CADM1: variants seen among roughly 807,000 people sequenced by gnomAD.
The protein encoded by CADM1 is cell adhesion molecule 1.
Under a neutral mutation model 53.1 loss-of-function variants are expected in CADM1, and 15 were observed. That is an observed-to-expected ratio of 0.28 (90% CI 0.19 to 0.44). The LOEUF is 0.44. CADM1 is among the 20% of genes least tolerant of loss of function. The pLI, the probability that CADM1 is intolerant of heterozygous loss-of-function variation, is 1.00. For missense variants in CADM1, 434 were observed against 611.3 expected, an observed-to-expected ratio of 0.71 and a Z score of 3.06; for synonymous variants, 281 against 243.0, an observed-to-expected ratio of 1.16 and a Z score of -1.45.
chr11:115,272,761 A>C (rs1414914896), intron 1 of CADM1, among the ~76,000 whole-genome samples: 1 of 59,970 alleles, frequency 1.7e-5, no homozygotes, highest in African/African-American at 7.1e-5. Flanking sequence ...GGGTGGGGGG[A>C]GGGGGGAGGG....
intron 1 of CADM1, among the ~76,000 whole-genome samples, chr11:115,435,981 C>T (rs1330221819): frequency 1.3e-5 from 2 of 152,138 alleles, no homozygotes; most frequent in Non-Finnish European, 2.9e-5. Context: ...CCTACAAAAT[C>T]TCTGCAAAAC....
chr11:115,216,776 AAG>A (rs1473923991), intron 6 of CADM1, among the ~76,000 whole-genome samples: 3 of 152,168 alleles, frequency 2.0e-5, no homozygotes, highest in Non-Finnish European at 2.9e-5. Context: ...TTGAAATGAG[AAG>A]AGAGAACCAA....
chr11:115,420,966 T>A (rs1057161523), intron 1 of CADM1, among the ~76,000 whole-genome samples: 1 of 152,202 alleles, frequency 6.6e-6, no homozygotes, highest in African/African-American at 2.4e-5. Flanking sequence ...TACTCTATCA[T>A]CCAGTGGAGC....
At chr11:115,330,174 A>G (rs777905318) in intron 1 of CADM1, among the ~76,000 whole-genome samples, 2 of 151,912 alleles carry the variant, frequency 1.3e-5, no homozygotes, top group Admixed American at 1.3e-4. Context: ...CCTCCTGTCC[A>G]TATCAACTGG....
intron 1 of CADM1, among the ~76,000 whole-genome samples, chr11:115,307,475 A>G (rs1436299172): frequency 2.7e-5 from 4 of 146,814 alleles, no homozygotes; most frequent in African/African-American, 1.0e-4. Flanking sequence ...TCAGAAGAAC[A>G]TTTTTAAATG....
chr11:115,364,150 G>C (rs772652300), intron 1 of CADM1, among the ~76,000 whole-genome samples: 6 of 152,078 alleles, frequency 3.9e-5, no homozygotes, highest in Admixed American at 6.6e-5. Flanking sequence ...CTGTATATCT[G>C]TGATCTTTCT....
rs1366636775 is a variant in CADM1 at position 115,504,401 on chromosome 11, C to T, written c.-7G>A. On this transcript the variant is annotated 5_prime_UTR_variant, in exon 1 of 12. Transcript: ENST00000331581. Reference sequence around the variant, plus strand: ...GCAGCACTACACTCGCCATGTCGGGCACCTGCCTCAGACTGGCGGCGTTGG... The same window carrying T: ...GCAGCACTACACTCGCCATGTCGGGTACCTGCCTCAGACTGGCGGCGTTGG... The T allele has an allele frequency of 3.9e-6, 6 of 1,544,820 alleles. No individual in the cohort carries two copies. The highest frequency in any genetic ancestry group is 2.4e-5 in the East Asian group (1 of 40,818).
rs183230487 is a variant in CADM1 at position 115,315,931 on chromosome 11, G to C, written c.125-75511C>G. 2.6e-5 allele frequency among the ~76,000 whole-genome samples: 4 copies of C among 152,256 alleles called. No homozygotes were observed. The East Asian group carries it at 7.7e-4, about 29-fold the overall frequency. ...TACAGTGCAATTTTCATTCAACTGG[G>C]AGGGTGTTTTCTGCATGCTTCTCTC... On this transcript the variant is annotated intron_variant, in intron 1 of 11. Coordinates refer to ENST00000331581, the MANE Select transcript of CADM1 (RefSeq NM_001301043.2).
At chr11:115,312,341 G>A (rs910772395) in intron 1 of CADM1, among the ~76,000 whole-genome samples, 1 of 152,088 alleles carries the variant, frequency 6.6e-6, no homozygotes, top group Non-Finnish European at 1.5e-5. Flanking sequence ...CCACTAGAGA[G>A]GTGTGTTTTC....
At chr11:115,297,900 A>G (rs914199407) in intron 1 of CADM1, among the ~76,000 whole-genome samples, 1 of 152,234 alleles carries the variant, frequency 6.6e-6, no homozygotes, top group African/African-American at 2.4e-5. Context: ...GAACAGCCAA[A>G]ACGGCAGAGC....
At chr11:115,449,559 A>C (rs1410335324) in intron 1 of CADM1, among the ~76,000 whole-genome samples, 1 of 152,182 alleles carries the variant, frequency 6.6e-6, no homozygotes, top group Non-Finnish European at 1.5e-5. Context: ...GCCTAACACC[A>C]GCCTACTTAA....
chr11:115,409,621 C>T (rs1947407731), intron 1 of CADM1, among the ~76,000 whole-genome samples: 1 of 151,784 alleles, frequency 6.6e-6, no homozygotes, highest in African/African-American at 2.4e-5. Flanking sequence ...AGGAAAGGTG[C>T]TGAAATCTGA....
chr11:115,252,408 ATTTT>A, intron 1 of CADM1, among the ~76,000 whole-genome samples: 1 of 151,864 alleles, frequency 6.6e-6, no homozygotes, highest in Admixed American at 6.6e-5. Flanking sequence ...AATCTGCTGA[ATTTT>A]TTTTTATTTC....
At chr11:115,391,634 C>CCAAAA (rs1362834371) in intron 1 of CADM1, among the ~76,000 whole-genome samples, 1 of 152,170 alleles carries the variant, frequency 6.6e-6, no homozygotes, top group Admixed American at 6.5e-5. Context: ...TCCTTTTTCC[C>CCAAAA]CAAAACAAAA....
At chr11:115,290,042 T>C (rs1325938705) in intron 1 of CADM1, among the ~76,000 whole-genome samples, 1 of 152,208 alleles carries the variant, frequency 6.6e-6, no homozygotes, top group Non-Finnish European at 1.5e-5. Flanking sequence ...TGAATGTAGA[T>C]TCCACGAGCG....
chr11:115,415,493 G>A (rs1355104930), intron 1 of CADM1, among the ~76,000 whole-genome samples: 1 of 152,032 alleles, frequency 6.6e-6, no homozygotes, highest in Non-Finnish European at 1.5e-5. Flanking sequence ...AGGCAAATAA[G>A]GAATATGACA....
At chr11:115,340,903 C>A (rs910575435) in intron 1 of CADM1, among the ~76,000 whole-genome samples, 1 of 151,270 alleles carries the variant, frequency 6.6e-6, no homozygotes, top group African/African-American at 2.4e-5. Context: ...CTCAGGTGAT[C>A]CCAGCCTCCC....
intron 1 of CADM1, among the ~76,000 whole-genome samples, chr11:115,285,070 G>A (rs764033717): frequency 6.6e-6 from 1 of 152,132 alleles, no homozygotes; most frequent in Non-Finnish European, 1.5e-5. Flanking sequence ...GCTCTCACTG[G>A]TGGTTCTTAA....
At position 115,504,278 on chromosome 11, in the gene CADM1, G is replaced by C. The variant is rs751314966; in HGVS notation, c.117C>G (p.Ile39Met). The part of the protein sequence containing the change: ...LLLLFSAAAL[I>M]PTGDGQNLFT... ...GTCGGTGCCCACACCTACCTGTGGG[G>C]ATCAGTGCCGCGGCGGAGAAGAGCA... The change falls in exon 1 of 12, where the codon ATC becomes ATG. Residue 39 changes from isoleucine to methionine, a missense_variant. By Grantham distance (10) the Ile-to-Met change is conservative. Around this residue, in one of 4 missense-constraint regions of CADM1, gnomAD observed 76 missense variants for 59.8 expected, o/e 1.27. Coordinates refer to ENST00000331581, the MANE Select transcript of CADM1 (RefSeq NM_001301043.2). The C allele has an allele frequency of 8.3e-6, 13 of 1,571,882 alleles. No individual in the cohort carries two copies. The highest frequency in any genetic ancestry group is 2.7e-5 in the African/African-American group (2 of 73,884).
Sources: allele counts gnomAD v4.1 joint callset (sites outside exome capture counted in the v4.1 genomes callset), GRCh38; gene constraint gnomAD v4.1.1; regional missense constraint gnomAD v4.1.1; transcripts MANE v1.5; gene names NCBI Gene and HGNC (gene_info 2026-07-23, HGNC 2026-07-21).